GABRG3: variants seen among roughly 807,000 people sequenced by gnomAD.
GABRG3 encodes the protein gamma-aminobutyric acid type A receptor subunit gamma3, also known as gamma-aminobutyric acid receptor subunit gamma-3.
Under a neutral mutation model 48.8 loss-of-function variants are expected in GABRG3, and 25 were observed. The ratio of observed to expected loss-of-function variants is 0.51; its 90% CI spans 0.37 to 0.72. The LOEUF (loss-of-function observed/expected upper bound fraction) is 0.72. Among genes scored for constraint, GABRG3 ranks in the 30% least tolerant of loss-of-function variants. The probability of loss-of-function intolerance (pLI) is 0.00; values close to 1 mark genes in which losing one functional copy is unlikely to be tolerated. For missense variants in GABRG3, 394 were observed against 577.9 expected, an observed-to-expected ratio of 0.68 and a Z score of 3.26; for synonymous variants, 227 against 217.6, an observed-to-expected ratio of 1.04 and a Z score of -0.38.
intron 3 of GABRG3, among the ~76,000 whole-genome samples, chr15:27,152,376 A>T (rs1343229536): frequency 6.6e-6 from 1 of 152,138 alleles, no homozygotes; most frequent in African/African-American, 2.4e-5. Context: ...GGTTTTGTTT[A>T]CCATAGTTAT....
intron 3 of GABRG3, among the ~76,000 whole-genome samples, chr15:27,205,650 T>C (rs187382791): frequency 6.6e-6 from 1 of 152,192 alleles, no homozygotes; most frequent in Admixed American, 6.5e-5. Context: ...TAAACTATTC[T>C]TTACATACCT....
rs538553132 is a variant in GABRG3, at chr15:27,475,985, A to G, written c.575-4665A>G. ...ATTCGAGGAAATATTGTGGCTGATT[A>G]TTGGATGACCACTACATTATAATGA... On this transcript the variant is annotated intron_variant, in intron 5 of 9. Transcript: ENST00000615808. 1.3e-4 allele frequency among the ~76,000 whole-genome samples: 20 copies of G among 152,288 alleles called. No individual in the cohort carries two copies. The East Asian group carries it at 2.9e-3, about 22-fold the overall frequency.
chr15:26,971,649 G>T, intron 1 of GABRG3, 61 bp downstream of exon 1: 2 of 1,498,894 alleles, frequency 1.3e-6, no homozygotes, highest in Non-Finnish European at 1.8e-6. Context: ...GCGGCGGGGG[G>T]CGCTGTCTGC....
chr15:27,509,103 G>A (rs544466208), intron 6 of GABRG3, among the ~76,000 whole-genome samples: 1 of 152,090 alleles, frequency 6.6e-6, no homozygotes, highest in Non-Finnish European at 1.5e-5. Context: ...TTCACTGTGG[G>A]TTTACTTTTT....
Position 27,517,582 on chromosome 15 carries a change from A to G in GABRG3, c.713-2390A>G, listed in dbSNP as rs1891053144. ...GAGTTGTCTTTCTGTTTATCTTGTC[A>G]GTAACCTGCAGTGGTGATAAATGAA... On this transcript the variant is annotated intron_variant, in intron 6 of 9. Coordinates refer to ENST00000615808, the MANE Select transcript of GABRG3 (RefSeq NM_033223.5). Among the ~76,000 whole-genome samples, 3 of 152,194 alleles carry G rather than the reference A, an allele frequency of 2.0e-5. No homozygotes were observed. The South Asian group carries it at 6.2e-4, about 31-fold the overall frequency.
chr15:27,080,567 C>A (rs1329386783), intron 3 of GABRG3, among the ~76,000 whole-genome samples: 2 of 152,144 alleles, frequency 1.3e-5, no homozygotes, highest in African/African-American at 2.4e-5. Context: ...TCACTTGAGG[C>A]TGGGAGTTTG....
intron 3 of GABRG3, chr15:27,157,793 T>C (rs1434222664): frequency 6.6e-6 from 1 of 152,188 alleles, no homozygotes; most frequent in Non-Finnish European, 1.5e-5. Flanking sequence ...CAAGGCACAA[T>C]ATAAGACTGT....
intron 5 of GABRG3, among the ~76,000 whole-genome samples, chr15:27,385,365 C>A (rs1686855489): frequency 6.6e-6 from 1 of 151,040 alleles, no homozygotes; most frequent in Non-Finnish European, 1.5e-5. Flanking sequence ...TTGTGTTTCT[C>A]CTACTTGGCG....
intron 3 of GABRG3, among the ~76,000 whole-genome samples, chr15:27,220,767 G>A (rs1889426155): frequency 6.6e-6 from 1 of 152,076 alleles, no homozygotes; most frequent in Non-Finnish European, 1.5e-5. Context: ...CTGGGTGCCT[G>A]GAATTTCCCT....
chr15:27,300,430 G>A (rs548624111), intron 3 of GABRG3, among the ~76,000 whole-genome samples: 7 of 152,138 alleles, frequency 4.6e-5, no homozygotes, highest in Admixed American at 3.3e-4. Flanking sequence ...TTGGGAAGCC[G>A]AGTCTGGCAG....
At chr15:27,470,209 CT>C (rs1167992929) in intron 5 of GABRG3, among the ~76,000 whole-genome samples, 1 of 151,420 alleles carries the variant, frequency 6.6e-6, no homozygotes, top group African/African-American at 2.4e-5. Context: ...ATTTGGGTGT[CT>C]TTTTTTCTTT....
chr15:27,336,263 G>A (rs545883713), intron 5 of GABRG3, among the ~76,000 whole-genome samples: 1 of 149,596 alleles, frequency 6.7e-6, no homozygotes, highest in Admixed American at 6.7e-5. Context: ...GAAAAAGAAA[G>A]AAAGAAAGGA....
intron 5 of GABRG3, among the ~76,000 whole-genome samples, chr15:27,351,063 T>G (rs561897161): frequency 5.2e-4 from 79 of 151,326 alleles, no homozygotes; most frequent in Non-Finnish European, 9.6e-4. Flanking sequence ...GGTGTGTGTG[T>G]GTGTATGGTA....
chr15:27,042,900 C>T (rs1896302094), intron 3 of GABRG3, among the ~76,000 whole-genome samples: 1 of 152,226 alleles, frequency 6.6e-6, no homozygotes, highest in Non-Finnish European at 1.5e-5. Flanking sequence ...AGGTGCCAGA[C>T]AGTTGGAGAT....
rs368179715 is a variant in GABRG3 at position 27,312,570 on chromosome 15, C to A, written c.271-14239C>A. On this transcript the variant is annotated intron_variant, in intron 3 of 9. Transcript: ENST00000615808. ...AAGCAAGTTGTCACACACAAGGACA[C>A]CCCCATAAAACTGTGAGTGGAGTTT... is the stretch of plus-strand genomic sequence containing the variant. Among the ~76,000 whole-genome samples, 7 of 152,180 alleles carry A rather than the reference C, an allele frequency of 4.6e-5. No individual in the cohort carries two copies. The South Asian group carries it at 1.5e-3, about 32-fold the overall frequency.
intron 6 of GABRG3, among the ~76,000 whole-genome samples, chr15:27,512,364 A>G (rs1019968403): frequency 1.3e-5 from 2 of 152,154 alleles, no homozygotes; most frequent in Non-Finnish European, 2.9e-5. Flanking sequence ...AGAGAAGAAG[A>G]AAGGCTGACT....
intron 1 of GABRG3, among the ~76,000 whole-genome samples, chr15:26,972,031 G>C (rs1325928592): frequency 1.3e-5 from 2 of 151,928 alleles, no homozygotes; most frequent in African/African-American, 4.8e-5. Context: ...TAACTGCCTA[G>C]TTTAGACCGG....
At position 27,465,084 on chromosome 15, in the gene GABRG3, C is replaced by G. The variant is rs1439366345; in HGVS notation, c.575-15566C>G. On this transcript the variant is annotated intron_variant, in intron 5 of 9. Transcript: ENST00000615808. ...GGCACATGCTTCCAGGCACAGAGCC[C>G]GTGAATGTTTCCCCAGCCTGCACGG... 2.0e-5 allele frequency among the ~76,000 whole-genome samples: 3 copies of G among 152,176 alleles called. 1 individual carries two copies. Among genetic ancestry groups the G allele is most frequent in the South Asian group, 4.1e-4 (2 of 4,830 alleles).
chr15:27,042,066 A>C (rs1896285635), intron 3 of GABRG3, among the ~76,000 whole-genome samples: 1 of 152,190 alleles, frequency 6.6e-6, no homozygotes, highest in Non-Finnish European at 1.5e-5. Flanking sequence ...CAGGGAGCCC[A>C]GGCTGACCTC....
Sources: allele counts gnomAD v4.1 joint callset (sites outside exome capture counted in the v4.1 genomes callset), GRCh38; gene constraint gnomAD v4.1.1; transcripts MANE v1.5; gene names NCBI Gene and HGNC (gene_info 2026-07-23, HGNC 2026-07-21).